SNX2: variants seen among roughly 807,000 people sequenced by gnomAD.
The protein encoded by SNX2 is sorting nexin-2.
Under a neutral mutation model 69.9 loss-of-function variants are expected in SNX2, and 25 were observed. The ratio of observed to expected loss-of-function variants is 0.36; its 90% CI spans 0.26 to 0.50. The LOEUF (loss-of-function observed/expected upper bound fraction) is 0.50, where lower values mean the gene tolerates loss of function less well. Ranked by LOEUF, SNX2 falls within the 20% of genes least tolerant of loss-of-function variation. The pLI, the probability that SNX2 is intolerant of heterozygous loss-of-function variation, is 0.97. For missense variants in SNX2, 551 were observed against 613.3 expected, an observed-to-expected ratio of 0.90 and a Z score of 1.07; for synonymous variants, 229 against 200.4, an observed-to-expected ratio of 1.14 and a Z score of -1.20.
chr5:122,802,023 A>G (rs998243945), intron 4 of SNX2, 58 bp from the exon 5 acceptor site: 20 of 1,540,846 alleles, frequency 1.3e-5, no homozygotes, highest in Admixed American at 5.0e-5. Flanking sequence ...ATATAGTATT[A>G]AATGAGTTTT....
At chr5:122,824,072 G>A (rs1003094129) in intron 11 of SNX2, among the ~76,000 whole-genome samples, 22 of 151,854 alleles carry the variant, frequency 1.4e-4, no homozygotes, top group Admixed American at 7.2e-4. Context: ...CATGGTGGCG[G>A]GTGCCTGTAG....
chr5:122,826,588 T>A, intron 12 of SNX2: 1 of 736,560 alleles, frequency 1.4e-6, no homozygotes, highest in Non-Finnish European at 1.7e-6. Flanking sequence ...TTAGTGAATT[T>A]GTATAAGTTT....
At position 122,808,294 on chromosome 5, in the gene SNX2, G is replaced by A; in HGVS notation, c.661G>A (p.Val221Met). 6 of 1,609,860 alleles carry A rather than the reference G, an allele frequency of 3.7e-6. No individual in the cohort carries two copies. Among genetic ancestry groups the A allele is most frequent in the Non-Finnish European group, 5.1e-6 (6 of 1,178,382 alleles). ...CTTCAAAGGGATGACCAAGGTCAAA[G>A]TGGGTAAAGAAGACTCATCATCCAC... ...KSIVGMTKVKVGKEDSSSTEF... is the reference protein window; with the variant it reads ...KSIVGMTKVKMGKEDSSSTEF... The change falls in exon 7 of 15, where the codon GTG (valine) becomes ATG (methionine). Residue 221 changes from valine to methionine, a missense_variant. By Grantham distance (21) the Val-to-Met change is conservative. Transcript: ENST00000379516.
rs1203041903 is a variant in SNX2 at position 122,830,828 on chromosome 5, G to T, written c.*1180G>T. On this transcript the variant is annotated 3_prime_UTR_variant, in exon 15 of 15. Transcript: ENST00000379516. ...GTTCAAGACTAGCCTGGCCAACATG[G>T]TAAAACTCCATCTCTACTAAAAATA... 1.3e-5 allele frequency among the ~76,000 whole-genome samples: 2 copies of T among 151,926 alleles called. No individual in the cohort carries two copies. The highest frequency in any genetic ancestry group is 2.9e-5 in the Non-Finnish European group (2 of 67,966).
intron 1 of SNX2, among the ~76,000 whole-genome samples, chr5:122,793,888 G>A (rs1370307974): frequency 6.7e-6 from 1 of 148,188 alleles, no homozygotes; most frequent in African/African-American, 2.5e-5. Context: ...ACTCCAGCCT[G>A]GGCAAGAAGA....
chr5:122,803,315 T>G (rs1424578947), intron 5 of SNX2, among the ~76,000 whole-genome samples, 157 bp from the exon 6 acceptor site: 1 of 21,456 alleles, frequency 4.7e-5, no homozygotes, highest in Non-Finnish European at 7.7e-5. Flanking sequence ...TGGTTTAGGT[T>G]TTTTTTTTAG....
chr5:122,812,070 A>G (rs1753790931), intron 7 of SNX2, among the ~76,000 whole-genome samples: 5 of 152,194 alleles, frequency 3.3e-5, no homozygotes, highest in Admixed American at 2.0e-4. Context: ...GACTGAGTCC[A>G]AAGGTGTTAA....
At chr5:122,822,198 A>G (rs925656372) in intron 11 of SNX2, among the ~76,000 whole-genome samples, 4 of 151,952 alleles carry the variant, frequency 2.6e-5, no homozygotes, top group Non-Finnish European at 4.4e-5. Context: ...GGTTCAAGCA[A>G]TTCTGCCTCA....
In SNX2 at chr5:122,831,747, T is replaced by G. The variant is rs1754295449; in HGVS notation, c.*2099T>G. 1.3e-5 allele frequency among the ~76,000 whole-genome samples: 2 copies of G among 152,220 alleles called. No individual in the cohort carries two copies. Among genetic ancestry groups the G allele is most frequent in the Non-Finnish European group, 2.9e-5 (2 of 68,032 alleles). ...ACAGGTATATTACTTAACAAAGGTATAGTTTACACATAGGATGGTTATTCA... is the reference window on the plus strand; with the variant it reads ...ACAGGTATATTACTTAACAAAGGTAGAGTTTACACATAGGATGGTTATTCA... On this transcript the variant is annotated 3_prime_UTR_variant, in exon 15 of 15. Transcript: ENST00000379516.
At chr5:122,787,852 T>G (rs1165990711) in intron 1 of SNX2, among the ~76,000 whole-genome samples, 2 of 152,216 alleles carry the variant, frequency 1.3e-5, no homozygotes, top group Non-Finnish European at 2.9e-5. Flanking sequence ...AAGAATACAT[T>G]ATATGTTGCA....
chr5:122,792,945 G>C (rs1003763138), intron 1 of SNX2, among the ~76,000 whole-genome samples: 1 of 152,148 alleles, frequency 6.6e-6, no homozygotes, highest in African/African-American at 2.4e-5. Flanking sequence ...ACATGCTAGA[G>C]TAGCGAAAGT....
At chr5:122,795,117 C>G (rs954142099) in intron 1 of SNX2, 149 bp from the exon 2 acceptor site, 2 of 573,224 alleles carry the variant, frequency 3.5e-6, no homozygotes, top group Admixed American at 3.0e-5. Flanking sequence ...TTAGTTCATT[C>G]TTACTCTCAG....
At chr5:122,787,821 A>G (rs928576173) in intron 1 of SNX2, among the ~76,000 whole-genome samples, 1 of 152,208 alleles carries the variant, frequency 6.6e-6, no homozygotes, top group Admixed American at 6.5e-5. Context: ...GGTATTAGCA[A>G]TATGAACTTT....
At position 122,831,206 on chromosome 5, in the gene SNX2, T is replaced by C. The variant is rs921495443; in HGVS notation, c.*1558T>C. On this transcript the variant is annotated 3_prime_UTR_variant, in exon 15 of 15. Coordinates refer to ENST00000379516, the MANE Select transcript of SNX2 (RefSeq NM_003100.4). The stretch of plus-strand genomic sequence containing the variant: ...TTTATATATCGAAGTATCCTTAGCA[T>C]GTGTTTGCTTCTGCTTTAGTTGAAA... 6.6e-6 allele frequency among the ~76,000 whole-genome samples: 1 copy of C among 152,182 alleles called. No individual in the cohort carries two copies. Among genetic ancestry groups the C allele is most frequent in the Non-Finnish European group, 1.5e-5 (1 of 68,030 alleles).
intron 12 of SNX2, among the ~76,000 whole-genome samples, chr5:122,827,155 TATCTTAATATTGA>T (rs1451042817): frequency 2.6e-5 from 4 of 152,126 alleles, no homozygotes; most frequent in Admixed American, 1.3e-4. Flanking sequence ...AGTATTGAAA[TATCTTAATATTGA>T]GCAAATCTGT....
In SNX2 at chr5:122,801,858, A is replaced by G. The variant is rs1278222288; in HGVS notation, c.391-11A>G. On this transcript the variant is annotated splice_polypyrimidine_tract_variant and intron_variant, in intron 3 of 14. Transcript: ENST00000379516. ...AATTTTTAATGCCAAAAAATAATTT[A>G]TACTTTCTAGATTGAAGAAGAAGCA... 2.0e-6 allele frequency: 3 copies of G among 1,505,752 alleles called. No individual in the cohort carries two copies. The highest frequency in any genetic ancestry group is 1.9e-5 in the Admixed American group (1 of 53,906). The allele number at this position is 1,505,752 out of a possible 1,614,324, so 93.3% of individuals were successfully genotyped here. A position where few individuals can be genotyped will look rare whatever the true frequency, so the allele number is the denominator to read the frequency against.
intron 6 of SNX2, among the ~76,000 whole-genome samples, chr5:122,806,113 C>CGT (rs767764868): frequency 8.5e-6 from 1 of 117,406 alleles, no homozygotes; most frequent in African/African-American, 3.2e-5. Context: ...TGTGTGTGTG[C>CGT]GTGTGTGTAT....
intron 10 of SNX2, among the ~76,000 whole-genome samples, chr5:122,817,635 G>C (rs1753928113): frequency 6.6e-6 from 1 of 151,918 alleles, no homozygotes; most frequent in Non-Finnish European, 1.5e-5. Flanking sequence ...AAAGAACAAA[G>C]AAAACTATAT....
At chr5:122,814,754 T>TTTTTTTGTTTTTTTTGC (rs776929130) in intron 7 of SNX2, among the ~76,000 whole-genome samples, 2 of 21,522 alleles carry the variant, frequency 9.3e-5, no homozygotes, top group African/African-American at 1.1e-3. Flanking sequence ...ATAGCAGGTT[T>TTTTTTTGTTTTTTTTGC]TTTTTTGTTT....
Sources: gnomAD v4.1 joint callset for allele counts (sites outside exome capture counted in the v4.1 genomes callset) on GRCh38, gnomAD v4.1.1 for gene constraint, MANE v1.5 for transcripts, NCBI Gene and HGNC (gene_info 2026-07-23, HGNC 2026-07-21) for gene names.